DNM3: variants seen among roughly 807,000 people sequenced by gnomAD.
DNM3 encodes dynamin-3.
Under a neutral mutation model 101.6 loss-of-function variants are expected in DNM3, and 47 were observed. That is an observed-to-expected ratio of 0.46 (90% CI 0.37 to 0.59). The LOEUF (loss-of-function observed/expected upper bound fraction) is 0.59. Among genes scored for constraint, DNM3 ranks in the 20% least tolerant of loss-of-function variants. The pLI, the probability that DNM3 is intolerant of heterozygous loss-of-function variation, is 0.00. For synonymous variants in DNM3, 385 were observed against 387.9 expected, an observed-to-expected ratio of 0.99 and a Z score of 0.09; for missense variants, 849 against 1,085.7, an observed-to-expected ratio of 0.78 and a Z score of 3.06.
At chr1:172,036,111 C>T (rs1317860094) in intron 6 of DNM3, among the ~76,000 whole-genome samples, 2 of 147,336 alleles carry the variant, frequency 1.4e-5, no homozygotes, top group Non-Finnish European at 3.0e-5. Context: ...CCCATTAACT[C>T]GTCATTTAGC....
In DNM3 at chr1:171,881,672, G is replaced by A. The variant is rs75702121; in HGVS notation, c.161+39855G>A. Reference sequence around the variant, plus strand: ...ATTCTGCTGAAATGGCAGACCTCTCGGTACAGTATAGATATGCAAATGCTA... The same window carrying A: ...ATTCTGCTGAAATGGCAGACCTCTCAGTACAGTATAGATATGCAAATGCTA... On this transcript the variant is annotated intron_variant, in intron 1 of 20. Coordinates refer to ENST00000627582, the MANE Select transcript of DNM3 (RefSeq NM_015569.5). 5.1e-3 allele frequency among the ~76,000 whole-genome samples: 773 copies of A among 152,292 alleles called. 10 individuals are homozygous for A. Among genetic ancestry groups the A allele is most frequent in the African/African-American group, 0.018 (738 of 41,554 alleles).
chr1:172,294,868 C>T (rs56239164), intron 15 of DNM3, among the ~76,000 whole-genome samples: 1,708 of 148,866 alleles, frequency 0.011, 31 homozygotes, highest in African/African-American at 0.04. Flanking sequence ...GCCAAGATCG[C>T]GCCACTGCAC....
At chr1:171,905,773 A>C (rs911347126) in intron 1 of DNM3, among the ~76,000 whole-genome samples, 2 of 152,186 alleles carry the variant, frequency 1.3e-5, no homozygotes, top group Non-Finnish European at 1.5e-5. Context: ...AGTTTTATTG[A>C]AGAGTGAAAG....
chr1:172,160,203 C>G (rs1038519383), intron 14 of DNM3, among the ~76,000 whole-genome samples: 1 of 151,906 alleles, frequency 6.6e-6, no homozygotes, highest in Non-Finnish European at 1.5e-5. Flanking sequence ...CTACTGCAGA[C>G]TTTAGAAACA....
rs78358251 is a variant in DNM3, at chr1:172,407,832, G to A, written c.2583G>A (p.Leu861=). ...TAATCCGCCCACTAGAATCCTCCCT[G>A]TTAGACTAAACGAAGTGTCTGGCAT... ...PTIIRPLESS[L]LD The change falls in exon 21 of 21, where the codon CTG becomes CTA. Residue 861 remains leucine (L), a synonymous_variant. Transcript: ENST00000627582. The A allele has an allele frequency of 1.9e-6, 3 of 1,613,074 alleles. No individual in the cohort carries two copies. Among genetic ancestry groups the A allele is most frequent in the Admixed American group, 3.3e-5 (2 of 59,978 alleles).
intron 2 of DNM3, among the ~76,000 whole-genome samples, chr1:171,980,767 ATTTTTT>A (rs35033942): frequency 2.3e-4 from 25 of 110,248 alleles, no homozygotes; most frequent in African/African-American, 7.9e-4. Context: ...AAATCTACAG[ATTTTTT>A]TTTTTTTTTT....
At chr1:171,847,874 T>G in intron 1 of DNM3, among the ~76,000 whole-genome samples, 1 of 125,924 alleles carries the variant, frequency 7.9e-6, no homozygotes, top group East Asian at 2.5e-4. Context: ...AATACCATAT[T>G]AATTACTCTC....
intron 2 of DNM3, among the ~76,000 whole-genome samples, chr1:171,980,969 C>G (rs944761375): frequency 6.6e-6 from 1 of 151,904 alleles, no homozygotes; most frequent in Admixed American, 6.6e-5. Flanking sequence ...CAGGGTGTCA[C>G]CAAGTTGGCC....
intron 8 of DNM3, 144 bp from the exon 9 acceptor site, chr1:172,044,241 G>A (rs957113716): frequency 1.5e-6 from 1 of 686,452 alleles, no homozygotes; most frequent in African/African-American, 1.8e-5. Flanking sequence ...ATAAACAGAT[G>A]TTTTGACCAT....
Position 171,940,910 on chromosome 1 carries a change from T to C in DNM3, c.235+19089T>C, listed in dbSNP as rs575557880. On this transcript the variant is annotated intron_variant, in intron 2 of 20. Coordinates refer to ENST00000627582, the MANE Select transcript of DNM3 (RefSeq NM_015569.5). Reference sequence around the variant, plus strand: ...AGAATTCAGAATAAACATAAATATATTTAAATATGATACTGGCTTATTTTG... The same window carrying C: ...AGAATTCAGAATAAACATAAATATACTTAAATATGATACTGGCTTATTTTG... Among the ~76,000 whole-genome samples the C allele has an allele frequency of 3.3e-5, 5 of 152,332 alleles. No homozygotes were observed. In the East Asian group the frequency reaches 9.6e-4, roughly 29 times the overall value.
At chr1:171,914,689 T>A (rs1225700159) in intron 1 of DNM3, among the ~76,000 whole-genome samples, 1 of 152,246 alleles carries the variant, frequency 6.6e-6, no homozygotes, top group East Asian at 1.9e-4. Context: ...TCATCTTGCC[T>A]ATTCTTTTGG....
At chr1:172,196,419 A>T (rs1024190245) in intron 14 of DNM3, among the ~76,000 whole-genome samples, 4 of 152,044 alleles carry the variant, frequency 2.6e-5, no homozygotes, top group Non-Finnish European at 5.9e-5. Context: ...CTGGTTTTAT[A>T]CCCAGTAATG....
chr1:171,917,240 A>G (rs1289683712), intron 1 of DNM3, among the ~76,000 whole-genome samples: 1 of 152,066 alleles, frequency 6.6e-6, no homozygotes, highest in Non-Finnish European at 1.5e-5. Flanking sequence ...ATTTACATCT[A>G]TATTGAAGAA....
chr1:172,131,826 A>AAGCATG (rs1452283333), intron 14 of DNM3: 1 of 390,622 alleles, frequency 2.6e-6, no homozygotes, highest in African/African-American at 2.1e-5. Context: ...ATCTATGTAA[A>AAGCATG]AGCATGAATT....
Position 172,033,245 on chromosome 1 carries a change from C to G in DNM3, c.829C>G (p.Leu277Val). 6.2e-7 allele frequency: 1 copy of G among 1,602,526 alleles called. No homozygotes were observed. Among genetic ancestry groups the G allele is most frequent in the Non-Finnish European group, 8.5e-7 (1 of 1,174,348 alleles). ...HIADRMGTPHLQKVLNQQLTN... is the reference protein window; with the variant it reads ...HIADRMGTPHVQKVLNQQLTN... ...CGCTGACCGAATGGGAACCCCACAC[C>G]TGCAGAAGGTCCTTAATCAGGTAAA... The change falls in exon 6 of 21, where the codon CTG becomes GTG. Residue 277 changes from leucine to valine, a missense_variant. This residue lies in a region of DNM3 where 388 missense variants were observed against 483.0 expected (regional missense o/e 0.80). Coordinates refer to ENST00000627582, the MANE Select transcript of DNM3 (RefSeq NM_015569.5).
intron 1 of DNM3, among the ~76,000 whole-genome samples, chr1:171,852,866 A>T (rs2033140545): frequency 6.6e-6 from 1 of 152,042 alleles, no homozygotes; most frequent in Non-Finnish European, 1.5e-5. Context: ...GGGTTGAACA[A>T]AAGGACTTTG....
chr1:171,892,903 A>G (rs1183370860), intron 1 of DNM3, among the ~76,000 whole-genome samples: 5 of 150,118 alleles, frequency 3.3e-5, no homozygotes, highest in Admixed American at 2.0e-4. Flanking sequence ...CTGATCAGAC[A>G]GGAAGCGGAG....
In DNM3 at chr1:171,987,778, A is replaced by G. The variant is rs541085879; in HGVS notation, c.358A>G (p.Ile120Val). 70 of 1,579,744 alleles carry G rather than the reference A, an allele frequency of 4.4e-5. No individual in the cohort carries two copies. The highest frequency in any genetic ancestry group is 5.1e-5 in the Non-Finnish European group (59 of 1,167,496). Residue 120 changes from isoleucine (I) to valine (V), a missense_variant, in exon 3 of 21, where the codon ATT becomes GTT. Transcript: ENST00000627582. ...GMNKGISSIP[I>V]NLRVYSPHVL... ...GAATAAAGGCATTTCCTCCATACCCATTAATTTACGAGTCTATTCCCCACA... is the reference window on the plus strand; with the variant it reads ...GAATAAAGGCATTTCCTCCATACCCGTTAATTTACGAGTCTATTCCCCACA...
At chr1:172,136,063 G>A (rs186649619) in intron 14 of DNM3, among the ~76,000 whole-genome samples, 391 of 152,188 alleles carry the variant, frequency 2.6e-3, no homozygotes, top group African/African-American at 8.9e-3. Context: ...GGCGTTTCCA[G>A]TGGAAATCTG....
Sources: gnomAD v4.1 joint callset for allele counts (sites outside exome capture counted in the v4.1 genomes callset) on GRCh38, gnomAD v4.1.1 for gene constraint, gnomAD v4.1.1 regional missense constraint, MANE v1.5 for transcripts, NCBI Gene and HGNC (gene_info 2026-07-23, HGNC 2026-07-21) for gene names.